The following SPRY3 variants were observed in gnomAD, a reference collection of about 807,000 sequenced individuals.
SPRY3 encodes sprouty RTK signaling antagonist 3, also known as protein sprouty homolog 3.
Under a neutral mutation model 20.2 loss-of-function variants are expected in SPRY3, and 15 were observed. The ratio of observed to expected loss-of-function variants is 0.74; its 90% CI spans 0.50 to 1.14. SPRY3 has a LOEUF of 1.14. Ranked by LOEUF, SPRY3 falls within the 50% of genes most tolerant of loss-of-function variation. The probability of loss-of-function intolerance (pLI) is 0.00; values close to 1 mark genes in which losing one functional copy is unlikely to be tolerated. For missense variants in SPRY3, 364 were observed against 363.9 expected, an observed-to-expected ratio of 1.00 and a Z score of 0.00; for synonymous variants, 143 against 136.5, an observed-to-expected ratio of 1.05 and a Z score of -0.33.
At chrX:155,777,486 T>TTGCAATC (rs1339264340), downstream of SPRY3, 1 of 166,552 alleles carries the variant, frequency 6.0e-6, no homozygotes, top group Non-Finnish European at 1.5e-5. Flanking sequence ...TCAAATACAG[T>TTGCAATC]TGCAATCTGC....
chrX:155,622,022 GGGCCACCTCCTGTACA>G (rs2067872918), intron 1 of SPRY3, among the ~76,000 whole-genome samples: 1 of 106,435 alleles, frequency 9.4e-6, no homozygotes, highest in Admixed American at 9.7e-5. Flanking sequence ...CTGGAGTATA[GGGCCACCTCCTGTACA>G]GGCATTAAGG....
chrX:155,766,844 A>G (rs1002476514), intron 2 of SPRY3, among the ~76,000 whole-genome samples: 5 of 152,190 alleles, frequency 3.3e-5, no homozygotes, highest in African/African-American at 1.2e-4. Context: ...ATGCCATGCT[A>G]AAGGGAAAGT....
At chrX:155,754,714 A>G (rs1000447719) in intron 2 of SPRY3, among the ~76,000 whole-genome samples, 3 of 151,994 alleles carry the variant, frequency 2.0e-5, no homozygotes, top group Admixed American at 1.3e-4. Context: ...AAATCTTTCA[A>G]TCTACGAATA....
chrX:155,782,103 G>A (rs1483167168), exon 2 of SPRY3: 3 of 166,968 alleles, frequency 1.8e-5, no homozygotes, highest in Non-Finnish European at 2.9e-5. Flanking sequence ...TGGTTGAAGG[G>A]AGAAGGTCAA....
chrX:155,740,536 G>A (rs1470168481), intron 2 of SPRY3, among the ~76,000 whole-genome samples: 1 of 152,138 alleles, frequency 6.6e-6, no homozygotes, highest in Non-Finnish European at 1.5e-5. Context: ...GTCTTATGTG[G>A]TTGAGATAAG....
downstream of SPRY3, chrX:155,777,622 A>G (rs1277919768): frequency 7.2e-5 from 1 of 13,978 alleles, no homozygotes; most frequent in Non-Finnish European, 3.3e-3. Flanking sequence ...GTGCGTATGT[A>G]TCCCTTCTGT....
exon 4 of SPRY3, chrX:155,774,335 G>A (rs1244158020): frequency 1.9e-6 from 3 of 1,614,024 alleles, no homozygotes; most frequent in South Asian, 2.2e-5. Context: ...CGCTGCAAGT[G>A]CGTCCCCTGC....
chrX:155,758,466 A>G (rs2091291747), intron 2 of SPRY3, among the ~76,000 whole-genome samples: 1 of 152,144 alleles, frequency 6.6e-6, no homozygotes, highest in Admixed American at 6.5e-5. Flanking sequence ...CTCCATCCCC[A>G]TAGGCTTTTC....
intron 2 of SPRY3, among the ~76,000 whole-genome samples, chrX:155,767,245 A>G (rs1328665037): frequency 6.6e-6 from 1 of 151,982 alleles, no homozygotes; most frequent in African/African-American, 2.4e-5. Context: ...GGAGAGAAAG[A>G]AATTATAACG....
chrX:155,745,392 C>T (rs753305107), intron 2 of SPRY3, among the ~76,000 whole-genome samples: 1 of 152,016 alleles, frequency 6.6e-6, no homozygotes, highest in Non-Finnish European at 1.5e-5. Context: ...TCATGAAGTG[C>T]AGCTATTGAG....
At chrX:155,776,837 G>A (rs1332343566), downstream of SPRY3, 1 of 167,050 alleles carries the variant, frequency 6.0e-6, no homozygotes, top group African/African-American at 2.4e-5. Context: ...GAATCTTCCT[G>A]AAGTGTACTG....
intron 2 of SPRY3, among the ~76,000 whole-genome samples, chrX:155,714,851 GCCA>G (rs1478839958): frequency 1.3e-5 from 2 of 151,992 alleles, no homozygotes; most frequent in African/African-American, 4.8e-5. Flanking sequence ...TCTCTCTGTG[GCCA>G]CCAACACCAC....
At chrX:155,747,711 T>G (rs917356512) in intron 2 of SPRY3, among the ~76,000 whole-genome samples, 112 of 151,956 alleles carry the variant, frequency 7.4e-4, no homozygotes, top group Non-Finnish European at 1.3e-3. Flanking sequence ...GGCAGCCAGG[T>G]CCTTGGCTTA....
rs753863686 is a variant in SPRY3 at position 155,729,370 on chromosome X, A to G, written c.-281-38592A>G. On this transcript the variant is annotated intron_variant, in intron 2 of 3. Transcript: ENST00000675360. ...GAAATAATATCAAGCATCTTTTCTGACCACAATGGAATAAAACTAGAAATC... is the reference window on the plus strand; with the variant it reads ...GAAATAATATCAAGCATCTTTTCTGGCCACAATGGAATAAAACTAGAAATC... Among the ~76,000 whole-genome samples, 7 of 152,324 alleles carry G rather than the reference A, an allele frequency of 4.6e-5. No individual in the cohort carries two copies. The South Asian group carries it at 1.5e-3, about 32-fold the overall frequency.
intron 1 of SPRY3, among the ~76,000 whole-genome samples, chrX:155,620,106 G>T (rs1286143085): frequency 9.0e-6 from 1 of 111,654 alleles, no homozygotes; most frequent in Non-Finnish European, 1.9e-5. Flanking sequence ...TGGCACAATT[G>T]CTTTAGAAAA....
At chrX:155,688,655 A>G (rs1399764649) in intron 2 of SPRY3, among the ~76,000 whole-genome samples, 2 of 109,307 alleles carry the variant, frequency 1.8e-5, no homozygotes, top group African/African-American at 6.7e-5. Context: ...GCTTTTTTCC[A>G]TATGATTGTC....
At chrX:155,691,055 G>A (rs1319207159) in intron 2 of SPRY3, among the ~76,000 whole-genome samples, 1 of 85,523 alleles carries the variant, frequency 1.2e-5, no homozygotes, top group East Asian at 3.4e-4. Context: ...AAGGAGTATT[G>A]CCTTCCTACA....
intron 1 of SPRY3, among the ~76,000 whole-genome samples, chrX:155,637,020 T>A (rs1429280509): frequency 1.4e-5 from 1 of 72,721 alleles, no homozygotes; most frequent in Non-Finnish European, 2.4e-5. Context: ...AACATCACAC[T>A]CTGGGGACTG....
intron 1 of SPRY3, among the ~76,000 whole-genome samples, chrX:155,641,141 G>C (rs2067938802): frequency 9.0e-6 from 1 of 111,305 alleles, no homozygotes; most frequent in Non-Finnish European, 1.9e-5. Context: ...ATGAAGTGTT[G>C]AATTTTATCA....
Sources: allele counts gnomAD v4.1 joint callset (sites outside exome capture counted in the v4.1 genomes callset), GRCh38; gene constraint gnomAD v4.1.1; transcripts MANE v1.5; gene names NCBI Gene and HGNC (gene_info 2026-07-23, HGNC 2026-07-21).